SORCS3: variants seen among roughly 807,000 people sequenced by gnomAD.
The protein encoded by SORCS3 is VPS10 domain-containing receptor SorCS3.
SORCS3 carries 57 observed loss-of-function variants against 146.3 expected under a neutral mutation model. The observed-to-expected ratio is 0.39, with a 90% CI of 0.31 to 0.49. The LOEUF is 0.49. Among genes scored for constraint, SORCS3 ranks in the 20% least tolerant of loss-of-function variants. SORCS3 has a pLI of 0.92. For synonymous variants in SORCS3, 653 were observed against 618.5 expected (o/e 1.06, Z -0.83); for missense variants, 1,341 against 1,575.5 (o/e 0.85, Z 2.52).
At chr10:105,255,016 G>A (rs1479188393) in intron 23 of SORCS3, among the ~76,000 whole-genome samples, 4 of 151,372 alleles carry the variant, frequency 2.6e-5, no homozygotes, top group African/African-American at 9.7e-5. Context: ...GTGAAACCCC[G>A]TCTCTACTAA....
chr10:105,079,670 A>G (rs373270835), intron 5 of SORCS3, among the ~76,000 whole-genome samples: 4 of 152,112 alleles, frequency 2.6e-5, no homozygotes, highest in East Asian at 3.9e-4. Flanking sequence ...TTTGTCACTC[A>G]GATACTAAGC....
chr10:104,939,647 C>T (rs1040416022), intron 3 of SORCS3, among the ~76,000 whole-genome samples: 21 of 152,054 alleles, frequency 1.4e-4, no homozygotes, highest in African/African-American at 4.3e-4. Flanking sequence ...TCCCTGAGAC[C>T]GTGAAGTAAC....
chr10:104,969,303 TTGTGTGTGTGTGTGTGTGTG>T (rs59557629), intron 3 of SORCS3, among the ~76,000 whole-genome samples: 1 of 140,558 alleles, frequency 7.1e-6, no homozygotes. Context: ...TCAAAAAGGA[TTGTGTGTGTGTGTGTGTGTG>T]TGTGTGTGTG....
At chr10:104,687,381 C>G (rs1473683516) in intron 1 of SORCS3, among the ~76,000 whole-genome samples, 1 of 152,138 alleles carries the variant, frequency 6.6e-6, no homozygotes, top group Non-Finnish European at 1.5e-5. Context: ...ATGGAAAAAC[C>G]CTTTCCTGAT....
chr10:104,741,716 T>G (rs2016846263), intron 1 of SORCS3, among the ~76,000 whole-genome samples: 1 of 138,430 alleles, frequency 7.2e-6, no homozygotes, highest in African/African-American at 2.6e-5. Context: ...TTTTTTTTTT[T>G]TTTTTTTTTT....
intron 3 of SORCS3, among the ~76,000 whole-genome samples, chr10:104,958,384 G>A (rs531464223): frequency 1.1e-4 from 17 of 152,106 alleles, no homozygotes; most frequent in Non-Finnish European, 2.1e-4. Flanking sequence ...GCAATGCCCC[G>A]CTCCCCAGAA....
chr10:104,865,781 G>A (rs1440886636), intron 2 of SORCS3, among the ~76,000 whole-genome samples: 1 of 152,210 alleles, frequency 6.6e-6, no homozygotes, highest in African/African-American at 2.4e-5. Flanking sequence ...CATGAAGCTA[G>A]AAGCTGAGCA....
At chr10:104,925,556 A>T (rs6584638) in intron 3 of SORCS3, among the ~76,000 whole-genome samples, 16,182 of 152,142 alleles carry the variant, frequency 0.11, 1,325 homozygotes, top group African/African-American at 0.23. Context: ...GGAAATGAAT[A>T]TTTTCCCCCA....
chr10:104,883,560 A>G (rs961366586), intron 2 of SORCS3, among the ~76,000 whole-genome samples: 11 of 152,216 alleles, frequency 7.2e-5, no homozygotes, highest in Non-Finnish European at 1.6e-4. Flanking sequence ...AGCTTGGTGG[A>G]GAGTCTCAGC....
intron 1 of SORCS3, among the ~76,000 whole-genome samples, chr10:104,827,106 A>T (rs2017945340): frequency 6.6e-6 from 1 of 152,098 alleles, no homozygotes; most frequent in Non-Finnish European, 1.5e-5. Flanking sequence ...AACCCCTCAA[A>T]CTTATCTATG....
chr10:105,016,100 T>C (rs2055164197), intron 4 of SORCS3, among the ~76,000 whole-genome samples: 2 of 147,536 alleles, frequency 1.4e-5, no homozygotes, highest in Admixed American at 6.8e-5. Context: ...AACTTAAATT[T>C]ATGTTATGTA....
chr10:104,885,450 C>T (rs956678857), intron 2 of SORCS3, among the ~76,000 whole-genome samples: 1 of 152,052 alleles, frequency 6.6e-6, no homozygotes, highest in Non-Finnish European at 1.5e-5. Context: ...GTAGGTGGCC[C>T]TTGTGGCAAT....
chr10:104,680,167 G>A (rs2015954407), intron 1 of SORCS3, among the ~76,000 whole-genome samples: 1 of 152,170 alleles, frequency 6.6e-6, no homozygotes, highest in Non-Finnish European at 1.5e-5. Flanking sequence ...GCCTCTCAGA[G>A]GGATACAAAT....
At chr10:104,967,131 G>A (rs187097867) in intron 3 of SORCS3, among the ~76,000 whole-genome samples, 1 of 152,124 alleles carries the variant, frequency 6.6e-6, no homozygotes, top group African/African-American at 2.4e-5. Context: ...TCCTCATGGG[G>A]TATAGTCATC....
Position 105,263,720 on chromosome 10 carries a change from C to T in SORCS3, c.*346C>T, listed in dbSNP as rs2119780563. The T allele has an allele frequency of 3.9e-6, 1 of 254,322 alleles. No individual in the cohort carries two copies. The highest frequency in any genetic ancestry group is 5.4e-5 in the South Asian group (1 of 18,568). The allele number at this position is 254,322 out of a possible 1,614,324, so 15.8% of individuals were successfully genotyped here. A position where few individuals can be genotyped will look rare whatever the true frequency, so the allele number is the denominator to read the frequency against. On this transcript the variant is annotated 3_prime_UTR_variant, in exon 27 of 27. Transcript: ENST00000369701. ...TTGGCTCTTTGTGAACCTCTCATCC[C>T]CACAGCAGAATCACCAACACTCTCC...
chr10:104,994,783 T>C (rs1030259364), intron 4 of SORCS3, among the ~76,000 whole-genome samples: 1 of 152,212 alleles, frequency 6.6e-6, no homozygotes, highest in African/African-American at 2.4e-5. Context: ...TTCAACAGTT[T>C]CCTCTTTTAT....
At chr10:105,124,778 G>A (rs7073582) in intron 7 of SORCS3, among the ~76,000 whole-genome samples, 3 of 152,002 alleles carry the variant, frequency 2.0e-5, no homozygotes, top group Admixed American at 2.0e-4. Flanking sequence ...CTCGAGGCCA[G>A]GCAAGATTGC....
At chr10:104,748,117 C>T (rs910951114) in intron 1 of SORCS3, among the ~76,000 whole-genome samples, 14 of 152,184 alleles carry the variant, frequency 9.2e-5, no homozygotes, top group African/African-American at 3.1e-4. Flanking sequence ...TCAGAAAAGT[C>T]TCTGTTTTGG....
At chr10:104,719,794 T>G (rs145907314) in intron 1 of SORCS3, among the ~76,000 whole-genome samples, 4 of 152,240 alleles carry the variant, frequency 2.6e-5, no homozygotes, top group Non-Finnish European at 5.9e-5. Flanking sequence ...CAGGAAACCA[T>G]GAGAATTATG....
Sources: allele counts gnomAD v4.1 joint callset (sites outside exome capture counted in the v4.1 genomes callset), GRCh38; gene constraint gnomAD v4.1.1; transcripts MANE v1.5; gene names NCBI Gene and HGNC (gene_info 2026-07-23, HGNC 2026-07-21).